Variants in NAALADL2 observed in about 807,000 individuals in gnomAD.
NAALADL2 encodes N-acetylated alpha-linked acidic dipeptidase like 2.
NAALADL2 carries 76 observed loss-of-function variants against 87.2 expected under a neutral mutation model. The ratio of observed to expected loss-of-function variants is 0.87; its 90% confidence interval spans 0.72 to 1.05. The LOEUF is 1.05. Among genes scored for constraint, NAALADL2 ranks in the 50% least tolerant of loss-of-function variants. NAALADL2 has a pLI of 0.00. For synonymous variants in NAALADL2, 354 were observed against 331.0 expected, an observed-to-expected ratio of 1.07 and a Z score of -0.75; for missense variants, 1,089 against 945.8, an observed-to-expected ratio of 1.15 and a Z score of -1.99.
chr3:175,252,303 A>T (rs576127017), intron 3 of NAALADL2, among the ~76,000 whole-genome samples: 1 of 152,228 alleles, frequency 6.6e-6, no homozygotes, highest in South Asian at 2.1e-4. Flanking sequence ...GCAATATTCC[A>T]ATCTTTTTCA....
chr3:174,709,298 C>T (rs548227873), intron 2 of NAALADL2, among the ~76,000 whole-genome samples: 30 of 152,124 alleles, frequency 2.0e-4, no homozygotes, highest in East Asian at 3.9e-4. Context: ...AAGTAAGAAA[C>T]GGTACTTTGT....
chr3:174,781,792 A>G (rs756244213), intron 3 of NAALADL2, among the ~76,000 whole-genome samples: 2 of 152,032 alleles, frequency 1.3e-5, no homozygotes, highest in East Asian at 1.9e-4. Flanking sequence ...TAGAGGAGTA[A>G]TGGGAACTTA....
chr3:174,450,607 A>G (rs1168274655), intron 1 of NAALADL2, among the ~76,000 whole-genome samples: 3 of 152,030 alleles, frequency 2.0e-5, no homozygotes, highest in Admixed American at 1.3e-4. Context: ...CGCGGTGGCT[A>G]TTGCCTGTAA....
chr3:175,593,805 G>T (rs1721869649), intron 10 of NAALADL2, among the ~76,000 whole-genome samples: 1 of 151,888 alleles, frequency 6.6e-6, no homozygotes, highest in Admixed American at 6.6e-5. Context: ...TTAGTCACCT[G>T]CAAAGACCCT....
rs73881406 is a variant in NAALADL2, at chr3:175,157,597, T to G, written c.545+60306T>G. Among the ~76,000 whole-genome samples the G allele has an allele frequency of 7.4e-3, 1,122 of 152,228 alleles. 11 individuals are homozygous for G. The highest frequency in any genetic ancestry group is 0.025 in the African/African-American group (1,052 of 41,570). On this transcript the variant is annotated intron_variant, in intron 2 of 13. Transcript: ENST00000454872. ...TAAGCTTGATCTGGACATCTATTCT[T>G]CCATCCACATTTGAACAGTAATGTC... is the stretch of plus-strand genomic sequence containing the variant.
At chr3:175,706,898 A>G (rs1289586691) in intron 11 of NAALADL2, among the ~76,000 whole-genome samples, 4 of 152,126 alleles carry the variant, frequency 2.6e-5, no homozygotes, top group Non-Finnish European at 5.9e-5. Context: ...TAATGATCAT[A>G]TGCAATCCTC....
At chr3:175,595,554 A>G (rs1477991047) in intron 10 of NAALADL2, among the ~76,000 whole-genome samples, 21 of 152,064 alleles carry the variant, frequency 1.4e-4, no homozygotes. Flanking sequence ...TTAAGAAACA[A>G]AATCAGAGTA....
intron 5 of NAALADL2, among the ~76,000 whole-genome samples, chr3:175,357,198 G>A (rs1764477117): frequency 6.6e-6 from 1 of 151,842 alleles, no homozygotes; most frequent in Non-Finnish European, 1.5e-5. Context: ...TTTTCTTCTT[G>A]CTCTTTGAAA....
intron 5 of NAALADL2, among the ~76,000 whole-genome samples, chr3:175,417,001 G>A (rs2149108355): frequency 6.6e-6 from 1 of 150,854 alleles, no homozygotes; most frequent in African/African-American, 2.4e-5. Context: ...GGACTTTATA[G>A]AGCACTAAGC....
At chr3:174,840,195 ATG>A (rs566949325) in intron 3 of NAALADL2, among the ~76,000 whole-genome samples, 134 of 151,682 alleles carry the variant, frequency 8.8e-4, no homozygotes, top group Middle Eastern at 6.8e-3. Context: ...ACATATAAAT[ATG>A]TGTGTGTGTA....
At chr3:175,370,270 C>T (rs1352347569) in intron 5 of NAALADL2, among the ~76,000 whole-genome samples, 1 of 152,064 alleles carries the variant, frequency 6.6e-6, no homozygotes, top group Non-Finnish European at 1.5e-5. Flanking sequence ...CCACTATTCT[C>T]AACTATAATT....
At chr3:175,199,854 ATATATATATATTTTTTTT>A (rs1739686243) in intron 2 of NAALADL2, among the ~76,000 whole-genome samples, 5 of 18,922 alleles carry the variant, frequency 2.6e-4, no homozygotes, top group Non-Finnish European at 3.6e-4. Context: ...ATATATATAT[ATATATATATATTTTTTTT>A]TTTTTTTTTT....
chr3:174,848,322 A>G (rs920368802), intron 3 of NAALADL2, among the ~76,000 whole-genome samples: 1 of 152,264 alleles, frequency 6.6e-6, no homozygotes, highest in East Asian at 1.9e-4. Context: ...TGACCTTACA[A>G]GTTGAACCTG....
chr3:174,754,597 C>A (rs1711766970), intron 3 of NAALADL2, among the ~76,000 whole-genome samples: 2 of 151,378 alleles, frequency 1.3e-5, no homozygotes, highest in East Asian at 2.0e-4. Flanking sequence ...AAGCAGGCTA[C>A]ATCATGCCTG....
chr3:174,939,333 T>C (rs928791227), intron 1 of NAALADL2, among the ~76,000 whole-genome samples: 1 of 152,082 alleles, frequency 6.6e-6, no homozygotes, highest in Non-Finnish European at 1.5e-5. Context: ...GTGGCCTTAT[T>C]TCTGGACTCC....
At chr3:174,751,392 G>A (rs879266613) in intron 3 of NAALADL2, among the ~76,000 whole-genome samples, 7 of 152,154 alleles carry the variant, frequency 4.6e-5, no homozygotes, top group Non-Finnish European at 1.0e-4. Flanking sequence ...GCCAGACGCA[G>A]TTGCTCACGT....
chr3:174,536,794 A>G (rs2108454219), intron 1 of NAALADL2: 1 of 152,306 alleles, frequency 6.6e-6, no homozygotes, highest in Non-Finnish European at 1.5e-5. Flanking sequence ...AATAGCATCC[A>G]GATGTCAATT....
intron 10 of NAALADL2, among the ~76,000 whole-genome samples, chr3:175,602,458 C>CTA (rs71164643): frequency 0.15 from 21,710 of 149,068 alleles, 1,601 homozygotes; most frequent in African/African-American, 0.18. Flanking sequence ...ATGTGTGTAT[C>CTA]TATATATATA....
At chr3:175,466,271 C>A (rs1285204925) in intron 7 of NAALADL2, among the ~76,000 whole-genome samples, 1 of 152,126 alleles carries the variant, frequency 6.6e-6, no homozygotes, top group Non-Finnish European at 1.5e-5. Context: ...ACAAGAAAAT[C>A]AGAGGAAACT....
Sources: gnomAD v4.1 joint callset for allele counts (sites outside exome capture counted in the v4.1 genomes callset) on GRCh38, gnomAD v4.1.1 for gene constraint, MANE v1.5 for transcripts, NCBI Gene and HGNC (gene_info 2026-07-23, HGNC 2026-07-21) for gene names.